Variants in RALGAPA1 observed in about 807,000 individuals in gnomAD.
The protein encoded by RALGAPA1 is ral GTPase-activating protein subunit alpha-1.
A neutral mutation model predicts 269.6 loss-of-function variants in RALGAPA1; 52 were observed. The ratio of observed to expected loss-of-function variants is 0.19; its 90% CI spans 0.15 to 0.24. The LOEUF is 0.24. Among genes scored for constraint, RALGAPA1 ranks in the 10% least tolerant of loss-of-function variants. The pLI, the probability that RALGAPA1 is intolerant of heterozygous loss-of-function variation, is 1.00. For synonymous variants in RALGAPA1, 817 were observed against 1,008.3 expected, an observed-to-expected ratio of 0.81 and a Z score of 3.60; for missense variants, 1,917 against 3,013.9, an observed-to-expected ratio of 0.64 and a Z score of 8.52.
At position 35,649,248 on chromosome 14, in the gene RALGAPA1, C is replaced by G. The variant is rs981796443; in HGVS notation, c.5676+2557G>C. On this transcript the variant is annotated intron_variant, in intron 31 of 41. Transcript: ENST00000680220. ...GCTGTGGGTTCTACTTTGTGAGTAT[C>G]TATTCTCTATTCCTTTAGCCTTAGC... Among the ~76,000 whole-genome samples, 3 of 152,212 alleles carry G rather than the reference C, an allele frequency of 2.0e-5. No individual in the cohort carries two copies. In the East Asian group the frequency reaches 5.8e-4, roughly 29 times the overall value.
intron 26 of RALGAPA1, among the ~76,000 whole-genome samples, chr14:35,667,383 C>T (rs559873936): frequency 1.3e-4 from 20 of 152,178 alleles, no homozygotes; most frequent in South Asian, 4.2e-4. Context: ...AGCGACAGAG[C>T]GAGACTCCAT....
At chr14:35,566,691 A>G (rs956931670) in intron 39 of RALGAPA1, among the ~76,000 whole-genome samples, 4 of 151,678 alleles carry the variant, frequency 2.6e-5, no homozygotes, top group Admixed American at 6.6e-5. Flanking sequence ...AATTTAATAC[A>G]TTATGTTTCT....
chr14:35,669,796 T>C (rs1018391499), intron 26 of RALGAPA1, among the ~76,000 whole-genome samples: 13 of 152,194 alleles, frequency 8.5e-5, no homozygotes, highest in African/African-American at 3.1e-4. Flanking sequence ...GCACAAAGTA[T>C]TATCCAGTTT....
chr14:35,676,259 A>G (rs2064938023), intron 22 of RALGAPA1: 1 of 150,888 alleles, frequency 6.6e-6, no homozygotes, highest in East Asian at 1.9e-4. Flanking sequence ...CCCAGGTTGG[A>G]GTACAGTGGC....
At chr14:35,549,671 C>T (rs759155238) in intron 39 of RALGAPA1, among the ~76,000 whole-genome samples, 22 of 152,128 alleles carry the variant, frequency 1.4e-4, no homozygotes, top group Non-Finnish European at 2.8e-4. Flanking sequence ...TAAGATACTA[C>T]GTCCAAAATT....
At chr14:35,572,485 G>A (rs747815379) in intron 38 of RALGAPA1, 75 bp downstream of exon 38, 1 of 1,192,242 alleles carries the variant, frequency 8.4e-7, no homozygotes, top group East Asian at 2.5e-5. Context: ...ATTTTATTCT[G>A]TAACATGGAA....
chr14:35,620,215 T>A (rs919465823), intron 35 of RALGAPA1, among the ~76,000 whole-genome samples: 1 of 152,030 alleles, frequency 6.6e-6, no homozygotes, highest in Non-Finnish European at 1.5e-5. Flanking sequence ...CATACGCAAA[T>A]CAATAAACGT....
intron 16 of RALGAPA1, among the ~76,000 whole-genome samples, chr14:35,708,449 T>C (rs894212590): frequency 2.6e-5 from 4 of 152,056 alleles, no homozygotes; most frequent in African/African-American, 9.7e-5. Flanking sequence ...AAAAGATCGA[T>C]AGACATTTCT....
At chr14:35,785,735 T>C (rs764935468) in intron 1 of RALGAPA1, among the ~76,000 whole-genome samples, 1 of 152,234 alleles carries the variant, frequency 6.6e-6, no homozygotes, top group Admixed American at 6.5e-5. Flanking sequence ...ACTAATCACA[T>C]GCTTGGATAT....
chr14:35,674,304 A>C, intron 23 of RALGAPA1, 26 bp from the exon 24 acceptor site: 1 of 1,536,930 alleles, frequency 6.5e-7, no homozygotes, highest in African/African-American at 1.4e-5. Flanking sequence ...AAAAAGCAAC[A>C]AACCTAAGAA....
rs12586540 is a variant in RALGAPA1 at position 35,769,755 on chromosome 14, T to C, written c.325+1187A>G. 1.2e-4 allele frequency among the ~76,000 whole-genome samples: 19 copies of C among 152,268 alleles called. No homozygotes were observed. The East Asian group carries it at 2.5e-3, about 20-fold the overall frequency. On this transcript the variant is annotated intron_variant, in intron 4 of 41. Transcript: ENST00000680220. ...CCTAGAAAGAAACAAATTATCAAAC[T>C]GACTCAGAGAGATATATAAAATCTG...
intron 37 of RALGAPA1, among the ~76,000 whole-genome samples, chr14:35,586,895 T>TA (rs2058332599): frequency 6.6e-6 from 1 of 152,288 alleles, no homozygotes; most frequent in African/African-American, 2.4e-5. Flanking sequence ...CATTGATGTT[T>TA]ATCAGGGATA....
At chr14:35,659,005 C>A in intron 28 of RALGAPA1, 133 bp downstream of exon 28, 2 of 469,450 alleles carry the variant, frequency 4.3e-6, no homozygotes, top group Non-Finnish European at 3.6e-6. Flanking sequence ...CTTAATTATT[C>A]AAGTAACTTA....
intron 17 of RALGAPA1, among the ~76,000 whole-genome samples, chr14:35,699,315 G>C (rs1019123834): frequency 2.6e-5 from 4 of 152,132 alleles, no homozygotes; most frequent in Non-Finnish European, 4.4e-5. Context: ...TGGAGGGGAG[G>C]AGTGTGTGGT....
At chr14:35,796,545 G>A (rs778729233) in intron 1 of RALGAPA1, among the ~76,000 whole-genome samples, 1 of 152,080 alleles carries the variant, frequency 6.6e-6, no homozygotes, top group Non-Finnish European at 1.5e-5. Flanking sequence ...TTAATCTTAA[G>A]CCAAGAAATA....
intron 16 of RALGAPA1, among the ~76,000 whole-genome samples, chr14:35,718,529 A>G (rs2069060150): frequency 6.6e-6 from 1 of 152,136 alleles, no homozygotes. Context: ...CATGAAAAAC[A>G]TAAAGGCTGG....
At chr14:35,610,080 T>TA (rs1460920590) in intron 35 of RALGAPA1, among the ~76,000 whole-genome samples, 1 of 151,872 alleles carries the variant, frequency 6.6e-6, no homozygotes, top group Non-Finnish European at 1.5e-5. Context: ...GTTGGCTCTT[T>TA]AAGATGATCA....
chr14:35,637,575 A>C (rs2061743158), intron 31 of RALGAPA1, among the ~76,000 whole-genome samples: 1 of 152,162 alleles, frequency 6.6e-6, no homozygotes, highest in Non-Finnish European at 1.5e-5. Context: ...ACCTATAAGA[A>C]CTAGAAAAGA....
chr14:35,539,783 A>C (rs1188357295), intron 41 of RALGAPA1, 93 bp from the exon 42 acceptor site: 2 of 1,522,438 alleles, frequency 1.3e-6, no homozygotes, highest in African/African-American at 2.8e-5. Context: ...CAAGGATCCC[A>C]TCCCTTAATA....
Sources: gnomAD v4.1 joint callset for allele counts (sites outside exome capture counted in the v4.1 genomes callset) on GRCh38, gnomAD v4.1.1 for gene constraint, MANE v1.5 for transcripts, NCBI Gene and HGNC (gene_info 2026-07-23, HGNC 2026-07-21) for gene names.